The following PLEKHH2 variants were observed in gnomAD, a reference collection of about 807,000 sequenced individuals.
PLEKHH2 encodes pleckstrin homology, MyTH4 and FERM domain containing H2, also known as pleckstrin homology domain-containing family H member 2.
PLEKHH2 carries 129 observed loss-of-function variants against 187.9 expected under a neutral mutation model. The ratio of observed to expected loss-of-function variants is 0.69; its 90% confidence interval spans 0.59 to 0.79. The LOEUF (loss-of-function observed/expected upper bound fraction) is 0.79. PLEKHH2 is among the 30% of genes least tolerant of loss of function. PLEKHH2 has a pLI of 0.00. For missense variants in PLEKHH2, 2,076 were observed against 1,751.2 expected, an observed-to-expected ratio of 1.19 and a Z score of -3.31; for synonymous variants, 686 against 605.6, an observed-to-expected ratio of 1.13 and a Z score of -1.95.
chr2:43,668,427 T>A (rs1667329234), intron 2 of PLEKHH2, among the ~76,000 whole-genome samples: 1 of 152,160 alleles, frequency 6.6e-6, no homozygotes, highest in African/African-American at 2.4e-5. Context: ...TCATTTATCA[T>A]TATCATGTTC....
At chr2:43,746,098 T>G (rs530297264) in intron 24 of PLEKHH2, 135 bp downstream of exon 24, 1 of 520,596 alleles carries the variant, frequency 1.9e-6, no homozygotes, top group Admixed American at 4.1e-5. Context: ...ATGATAACTC[T>G]GTTTCTATAG....
At chr2:43,711,968 A>G in intron 14 of PLEKHH2, 1 of 1,187,056 alleles carries the variant, frequency 8.4e-7, no homozygotes, top group Non-Finnish European at 1.1e-6. Flanking sequence ...CAAATAAACA[A>G]GATATAAAAT....
At chr2:43,754,203 C>CAAA (rs1472842755) in intron 25 of PLEKHH2, among the ~76,000 whole-genome samples, 122 of 142,738 alleles carry the variant, frequency 8.5e-4, no homozygotes, top group Middle Eastern at 3.5e-3. Context: ...CACACACACA[C>CAAA]ACAAAATTAA....
At position 43,700,221 on chromosome 2, in the gene PLEKHH2, C is replaced by T; in HGVS notation, c.1263C>T (p.Asn421=). 1 of 1,614,162 alleles carries T rather than the reference C, an allele frequency of 6.2e-7. No homozygotes were observed. Among genetic ancestry groups the T allele is most frequent in the African/African-American group, 1.3e-5 (1 of 75,042 alleles). ...CAGCTTTAATGCCAAAGCATCCTAA[C>T]TCACTCTCTGGAAAAGGAACACAAT... ...LTPALMPKHP[N]SLSGKGTQLV... is the part of the protein sequence containing the mutation. The change falls in exon 8 of 30, where the codon AAC becomes AAT. Residue 421 remains asparagine (N), a synonymous_variant. Transcript: ENST00000282406.
intron 23 of PLEKHH2, among the ~76,000 whole-genome samples, 177 bp from the exon 24 acceptor site, chr2:43,745,689 A>C (rs1416099112): frequency 1.3e-5 from 2 of 152,228 alleles, no homozygotes; most frequent in African/African-American, 4.8e-5. Flanking sequence ...AAGTGGACCA[A>C]ATAGCAATTT....
At chr2:43,679,682 G>T (rs1432560726) in intron 3 of PLEKHH2, 3 of 188,754 alleles carry the variant, frequency 1.6e-5, no homozygotes, top group Non-Finnish European at 3.3e-5. Flanking sequence ...TGTTAGTAGA[G>T]ATGGGGTTTG....
In PLEKHH2 at chr2:43,704,051, A is replaced by G. The variant is rs1313323582; in HGVS notation, c.1721A>G (p.Asn574Ser). 1.9e-6 allele frequency: 3 copies of G among 1,596,976 alleles called. No homozygotes were observed. In the Admixed American group the frequency reaches 5.0e-5, roughly 27 times the overall value. Residue 574 changes from asparagine (N) to serine (S), a missense_variant, in exon 9 of 30, where the codon AAT becomes AGT. Coordinates refer to ENST00000282406, the MANE Select transcript of PLEKHH2 (RefSeq NM_172069.4). ...MSEAFNMESV[N>S]KNSAATLSYT... is the part of the protein sequence containing the mutation. ...GAGGCCTTCAATATGGAGAGTGTTA[A>G]TAAAAGTAAGTGCTTTTTCATGCTG...
In PLEKHH2 at chr2:43,707,380, G is replaced by A. The variant is rs767495028; in HGVS notation, c.1822-21G>A. ...GTAACATTAGGGATGGATACAGGGA[G>A]GTTGTTCCACTTTTCTTTAGAAGGC... On this transcript the variant is annotated intron_variant, in intron 10 of 29. Transcript: ENST00000282406. 3.7e-6 allele frequency: 6 copies of A among 1,613,524 alleles called. No individual in the cohort carries two copies. In the East Asian group the frequency reaches 1.3e-4, roughly 36 times the overall value.
chr2:43,716,164 G>A (rs1268702778), intron 15 of PLEKHH2, among the ~76,000 whole-genome samples: 1 of 152,040 alleles, frequency 6.6e-6, no homozygotes, highest in African/African-American at 2.4e-5. Context: ...CATTTTTTAG[G>A]GTGGAAAAGA....
chr2:43,757,855 A>G (rs1672277528), intron 26 of PLEKHH2, among the ~76,000 whole-genome samples: 1 of 152,176 alleles, frequency 6.6e-6, no homozygotes, highest in Admixed American at 6.5e-5. Flanking sequence ...AATAAATAAG[A>G]GAAAAAAATT....
chr2:43,749,099 A>T (rs1262236320), intron 24 of PLEKHH2, among the ~76,000 whole-genome samples: 1 of 152,210 alleles, frequency 6.6e-6, no homozygotes, highest in East Asian at 1.9e-4. Context: ...TGCTTAATAC[A>T]TACCAACTCT....
intron 15 of PLEKHH2, among the ~76,000 whole-genome samples, chr2:43,717,590 G>T (rs1185838729): frequency 3.3e-5 from 5 of 152,174 alleles, no homozygotes; most frequent in Non-Finnish European, 7.3e-5. Context: ...TGGCTGAGGG[G>T]ATGGGTGGCA....
At chr2:43,737,340 G>C (rs191918096) in intron 19 of PLEKHH2, among the ~76,000 whole-genome samples, 13 of 152,310 alleles carry the variant, frequency 8.5e-5, no homozygotes, top group Non-Finnish European at 8.8e-5. Flanking sequence ...GTAAGAAAAA[G>C]TAATCATAGA....
chr2:43,679,362 G>A (rs1668040706), intron 3 of PLEKHH2, among the ~76,000 whole-genome samples: 1 of 151,480 alleles, frequency 6.6e-6, no homozygotes, highest in African/African-American at 2.4e-5. Flanking sequence ...GCATTAATAT[G>A]TAAAAATGCT....
intron 2 of PLEKHH2, among the ~76,000 whole-genome samples, chr2:43,653,132 C>T (rs188569186): frequency 5.1e-4 from 77 of 151,976 alleles, no homozygotes; most frequent in African/African-American, 1.7e-3. Context: ...ATAAATGAAA[C>T]AATACAAGAA....
intron 24 of PLEKHH2, among the ~76,000 whole-genome samples, chr2:43,747,567 C>CATGT (rs1671834139): frequency 6.6e-6 from 1 of 152,196 alleles, no homozygotes; most frequent in Non-Finnish European, 1.5e-5. Context: ...TGTACTTTGG[C>CATGT]ATGTAGTCAG....
chr2:43,678,542 C>T (rs1229163954), intron 2 of PLEKHH2, among the ~76,000 whole-genome samples: 3 of 152,174 alleles, frequency 2.0e-5, no homozygotes, highest in Admixed American at 6.5e-5. Context: ...ACCCCGTCTC[C>T]ACCAAAAAAA....
intron 28 of PLEKHH2, among the ~76,000 whole-genome samples, chr2:43,763,458 C>T (rs1485816666): frequency 2.0e-5 from 3 of 151,742 alleles, no homozygotes; most frequent in East Asian, 1.9e-4. Flanking sequence ...CTTATTCTGT[C>T]GCCCAGACTG....
Position 43,700,319 on chromosome 2 carries a change from C to A in PLEKHH2, c.1361C>A (p.Ala454Asp). The A allele has an allele frequency of 6.2e-7, 1 of 1,614,002 alleles. No individual in the cohort carries two copies. Among genetic ancestry groups the A allele is most frequent in the Non-Finnish European group, 8.5e-7 (1 of 1,179,972 alleles). The change falls in exon 8 of 30, where the codon GCC becomes GAC. Residue 454 changes from alanine (A) to aspartate (D), a missense_variant. Transcript: ENST00000282406. ...PNVFSISVAL[A>D]KRHLSQPQLS... ...GTTTTCAGTATAAGTGTAGCACTAG[C>A]CAAAAGGCACTTAAGCCAGCCACAG...
Sources: gnomAD v4.1 joint callset for allele counts (sites outside exome capture counted in the v4.1 genomes callset) on GRCh38, gnomAD v4.1.1 for gene constraint, MANE v1.5 for transcripts, NCBI Gene and HGNC (gene_info 2026-07-23, HGNC 2026-07-21) for gene names.